Variants in C3orf33 observed in about 807,000 individuals in gnomAD.
C3orf33 encodes mitochondrial inner membrane subdomain organizer 1, also known as AP-1 activity suppressor.
Under a neutral mutation model 28.7 loss-of-function variants are expected in C3orf33, and 23 were observed. That is an observed-to-expected ratio of 0.80 (90% CI 0.58 to 1.13). The LOEUF (loss-of-function observed/expected upper bound fraction) is 1.13, where lower values mean the gene tolerates loss of function less well. Ranked by LOEUF, C3orf33 falls within the 50% of genes most tolerant of loss-of-function variation. The pLI, the probability that C3orf33 is intolerant of heterozygous loss-of-function variation, is 0.00. For synonymous variants in C3orf33, 119 were observed against 120.5 expected (o/e 0.99, Z 0.08); for missense variants, 327 against 353.4 (o/e 0.93, Z 0.60).
At chr3:155,790,588 T>G (rs1301134850) in intron 2 of C3orf33, among the ~76,000 whole-genome samples, 5 of 152,204 alleles carry the variant, frequency 3.3e-5, no homozygotes, top group Admixed American at 6.5e-5. Flanking sequence ...AGTCTTCAAC[T>G]GCTGATGCAA....
At chr3:155,770,346 C>T (rs553682067) in intron 3 of C3orf33, among the ~76,000 whole-genome samples, 30 of 152,102 alleles carry the variant, frequency 2.0e-4, no homozygotes, top group Non-Finnish European at 4.3e-4. Flanking sequence ...GTAGCAAGCC[C>T]GGGGCCAAGC....
chr3:155,767,024 G>A (rs1051429559), intron 4 of C3orf33, among the ~76,000 whole-genome samples: 6 of 151,934 alleles, frequency 3.9e-5, no homozygotes, highest in African/African-American at 1.5e-4. Context: ...GGAGGCCAAG[G>A]TGGGCAGATC....
intron 2 of C3orf33, among the ~76,000 whole-genome samples, chr3:155,783,093 T>C (rs1750981186): frequency 1.3e-5 from 2 of 152,266 alleles, no homozygotes; most frequent in South Asian, 4.1e-4. Context: ...GATGCTACTG[T>C]CCTGCTCAGT....
At chr3:155,805,158 T>TA (rs57906262) in intron 1 of C3orf33, among the ~76,000 whole-genome samples, 1,801 of 141,630 alleles carry the variant, frequency 0.013, 25 homozygotes, top group African/African-American at 0.036. Flanking sequence ...GTGCTTCACT[T>TA]AAAAAAAAAA....
intron 2 of C3orf33, among the ~76,000 whole-genome samples, chr3:155,776,265 T>C (rs941489127): frequency 5.3e-5 from 8 of 152,216 alleles, no homozygotes; most frequent in Admixed American, 1.3e-4. Context: ...CAAATTAAGT[T>C]AGAACCTTAA....
At chr3:155,800,429 C>A (rs957766420) in intron 2 of C3orf33, among the ~76,000 whole-genome samples, 1 of 151,382 alleles carries the variant, frequency 6.6e-6, no homozygotes, top group Admixed American at 6.6e-5. Context: ...CACAAAGAGG[C>A]GCCATTGCTA....
At chr3:155,799,748 G>A (rs1644230912) in intron 2 of C3orf33, among the ~76,000 whole-genome samples, 1 of 152,090 alleles carries the variant, frequency 6.6e-6, no homozygotes, top group South Asian at 2.1e-4. Flanking sequence ...TCCTTAAACA[G>A]AACTGTTGTT....
intron 2 of C3orf33, among the ~76,000 whole-genome samples, chr3:155,801,447 G>A (rs1211272063): frequency 1.3e-5 from 2 of 151,988 alleles, no homozygotes; most frequent in African/African-American, 4.8e-5. Context: ...CATTATTCAC[G>A]ACAGCTAAAA....
At chr3:155,776,284 GT>G (rs1315619161) in intron 2 of C3orf33, among the ~76,000 whole-genome samples, 3 of 151,806 alleles carry the variant, frequency 2.0e-5, no homozygotes, top group Non-Finnish European at 2.9e-5. Context: ...AACCAACCAG[GT>G]TTTTTTACTA....
intron 2 of C3orf33, among the ~76,000 whole-genome samples, chr3:155,800,016 G>T (rs1751593889): frequency 6.6e-6 from 1 of 151,914 alleles, no homozygotes; most frequent in African/African-American, 2.4e-5. Context: ...AGCACAACAG[G>T]GTGACTACAG....
intron 2 of C3orf33, among the ~76,000 whole-genome samples, chr3:155,794,099 A>G (rs1751410632): frequency 6.6e-6 from 1 of 151,644 alleles, no homozygotes; most frequent in South Asian, 2.1e-4. Flanking sequence ...TTCTCCTGTT[A>G]GCCTCCCAAG....
At chr3:155,797,127 A>C (rs76185901) in intron 2 of C3orf33, among the ~76,000 whole-genome samples, 10,295 of 152,242 alleles carry the variant, frequency 0.068, 698 homozygotes, top group African/African-American at 0.18. Flanking sequence ...TGGAGGTTGC[A>C]GTAGCCGGGG....
chr3:155,805,650 T>C (rs1314696359), intron 1 of C3orf33: 1 of 454,564 alleles, frequency 2.2e-6, no homozygotes, highest in Non-Finnish European at 4.4e-6. Flanking sequence ...TCGGCCGAAG[T>C]GGGTGGAGCA....
chr3:155,777,627 G>A (rs1426327350), intron 2 of C3orf33, among the ~76,000 whole-genome samples: 1 of 151,822 alleles, frequency 6.6e-6, no homozygotes, highest in Non-Finnish European at 1.5e-5. Flanking sequence ...TGTATAGATG[G>A]GGTCTTTATT....
intron 1 of C3orf33, among the ~76,000 whole-genome samples, chr3:155,803,350 G>A (rs774166302): frequency 6.6e-6 from 1 of 152,048 alleles, no homozygotes; most frequent in African/African-American, 2.4e-5. Context: ...CAGATCACAA[G>A]GCCAGGAGAT....
chr3:155,786,113 T>A (rs1382484245), intron 2 of C3orf33, among the ~76,000 whole-genome samples: 56 of 94,600 alleles, frequency 5.9e-4, no homozygotes, highest in African/African-American at 1.0e-3. Context: ...GAAGGGGAAA[T>A]GGGAAAGGAG....
At chr3:155,778,347 GTGCTAATATTAATGTGGGTA>G (rs1028193090) in intron 2 of C3orf33, among the ~76,000 whole-genome samples, 1 of 152,092 alleles carries the variant, frequency 6.6e-6, no homozygotes, top group African/African-American at 2.4e-5. Flanking sequence ...TTTATTAGAT[GTGCTAATATTAATGTGGGTA>G]TGTAGGAAAA....
chr3:155,798,678 C>T (rs1202128290), intron 2 of C3orf33, among the ~76,000 whole-genome samples: 1 of 152,110 alleles, frequency 6.6e-6, no homozygotes, highest in Non-Finnish European at 1.5e-5. Context: ...TACAAGAAAA[C>T]ATTGGGGAAA....
chr3:155,794,561 C>T (rs1751425392), intron 2 of C3orf33, among the ~76,000 whole-genome samples: 1 of 151,430 alleles, frequency 6.6e-6, no homozygotes, highest in African/African-American at 2.4e-5. Flanking sequence ...TGTAAATGAA[C>T]TAAACTCTCC....
Sources: allele counts gnomAD v4.1 joint callset (sites outside exome capture counted in the v4.1 genomes callset), GRCh38; gene constraint gnomAD v4.1.1; transcripts MANE v1.5; gene names NCBI Gene and HGNC (gene_info 2026-07-23, HGNC 2026-07-21).